Variants in CSMD1 observed in about 807,000 individuals in gnomAD.
The protein encoded by CSMD1 is CUB and Sushi multiple domains 1.
In CSMD1, 213 loss-of-function variants were observed where a neutral mutation model predicts 417.5. The observed-to-expected ratio is 0.51, with a 90% CI of 0.46 to 0.57. The LOEUF is 0.57. CSMD1 is among the 20% of genes least tolerant of loss of function. The pLI is 0.00. For missense variants in CSMD1, 6,923 were observed against 4,529.7 expected (o/e 1.53, Z -15.17); for synonymous variants, 2,862 against 1,736.8 (o/e 1.65, Z -16.11).
At chr8:3,966,010 C>G (rs983750212) in intron 5 of CSMD1, among the ~76,000 whole-genome samples, 3 of 152,190 alleles carry the variant, frequency 2.0e-5, no homozygotes, top group South Asian at 4.2e-4. Flanking sequence ...AGCATAGATT[C>G]AATTTTAGAA....
At chr8:3,577,458 A>G (rs1210738069) in intron 9 of CSMD1, among the ~76,000 whole-genome samples, 1 of 152,144 alleles carries the variant, frequency 6.6e-6, no homozygotes, top group Non-Finnish European at 1.5e-5. Flanking sequence ...TTTAATAAAA[A>G]ATTGTTTATT....
chr8:2,961,341 T>C (rs1803462019), intron 61 of CSMD1, 127 bp from the exon 62 acceptor site: 2 of 447,458 alleles, frequency 4.5e-6, no homozygotes, highest in South Asian at 8.8e-5. Flanking sequence ...CAAGATGTTT[T>C]TCAGGAAAGT....
At chr8:4,984,709 CA>C (rs1811080672) in intron 1 of CSMD1, among the ~76,000 whole-genome samples, 1 of 152,156 alleles carries the variant, frequency 6.6e-6, no homozygotes, top group South Asian at 2.1e-4. Flanking sequence ...GCACAAAGCA[CA>C]ACCACTTCTA....
intron 1 of CSMD1, among the ~76,000 whole-genome samples, chr8:4,909,247 T>C (rs187777611): frequency 2.3e-4 from 35 of 152,300 alleles, no homozygotes; most frequent in South Asian, 1.4e-3. Flanking sequence ...ATAACCTTCC[T>C]ACTAGCTGTG....
At chr8:4,721,785 G>A (rs568410230) in intron 1 of CSMD1, among the ~76,000 whole-genome samples, 1 of 152,180 alleles carries the variant, frequency 6.6e-6, no homozygotes, top group South Asian at 2.1e-4. Context: ...ATTCACAATA[G>A]CCAAGGTATG....
chr8:4,592,118 G>A (rs936188265), intron 2 of CSMD1, among the ~76,000 whole-genome samples: 1 of 151,916 alleles, frequency 6.6e-6, no homozygotes, highest in African/African-American at 2.4e-5. Context: ...CGGCTTTGCT[G>A]GCATAACGGA....
chr8:4,206,835 T>A (rs910042396), intron 3 of CSMD1, among the ~76,000 whole-genome samples: 1 of 152,228 alleles, frequency 6.6e-6, no homozygotes, highest in East Asian at 1.9e-4. Context: ...GTGATTATTT[T>A]GTGGGCTCCT....
At chr8:4,969,242 T>C (rs562196520) in intron 1 of CSMD1, among the ~76,000 whole-genome samples, 24 of 152,304 alleles carry the variant, frequency 1.6e-4, no homozygotes, top group African/African-American at 5.8e-4. Flanking sequence ...TAATGCTTAG[T>C]AAGTTAATGT....
chr8:3,988,662 G>T (rs1814514877), intron 5 of CSMD1, among the ~76,000 whole-genome samples: 1 of 152,168 alleles, frequency 6.6e-6, no homozygotes. Flanking sequence ...AAATTCCACT[G>T]TTATCACATT....
At chr8:3,062,014 T>C (rs745879579) in intron 49 of CSMD1, among the ~76,000 whole-genome samples, 2 of 152,138 alleles carry the variant, frequency 1.3e-5, no homozygotes, top group Non-Finnish European at 2.9e-5. Flanking sequence ...TATTTCACCA[T>C]ATGTATATTT....
At chr8:4,020,513 G>C (rs902405928) in intron 4 of CSMD1, among the ~76,000 whole-genome samples, 4 of 152,146 alleles carry the variant, frequency 2.6e-5, no homozygotes, top group African/African-American at 9.7e-5. Flanking sequence ...CACCTCTACT[G>C]CTTTCTGGAT....
chr8:3,638,380 T>C (rs1563222027), intron 7 of CSMD1, among the ~76,000 whole-genome samples: 1 of 152,010 alleles, frequency 6.6e-6, no homozygotes, highest in Non-Finnish European at 1.5e-5. Flanking sequence ...TAGCCAGGTA[T>C]CAGTTATTGG....
intron 5 of CSMD1, among the ~76,000 whole-genome samples, chr8:3,763,741 A>G (rs973956044): frequency 3.9e-5 from 6 of 152,176 alleles, no homozygotes; most frequent in Non-Finnish European, 7.3e-5. Context: ...CAGAAACTAG[A>G]TAAGTGAGGA....
intron 7 of CSMD1, among the ~76,000 whole-genome samples, chr8:3,666,978 T>C (rs1030047570): frequency 6.6e-6 from 1 of 152,154 alleles, no homozygotes; most frequent in Non-Finnish European, 1.5e-5. Context: ...TTGTAAGAGC[T>C]CGAATTTTAG....
At chr8:4,464,119 A>T (rs942215970) in intron 2 of CSMD1, among the ~76,000 whole-genome samples, 2 of 151,178 alleles carry the variant, frequency 1.3e-5, no homozygotes, top group African/African-American at 2.4e-5. Context: ...TAGAGCTCAG[A>T]ACCTTGAGTC....
chr8:3,389,583 G>A (rs985143007), intron 17 of CSMD1, among the ~76,000 whole-genome samples: 2 of 151,996 alleles, frequency 1.3e-5, no homozygotes, highest in South Asian at 4.2e-4. Context: ...TATGCACTAC[G>A]GCAAAACAGT....
At chr8:3,991,413 T>G (rs1272848101) in intron 5 of CSMD1, among the ~76,000 whole-genome samples, 1 of 152,206 alleles carries the variant, frequency 6.6e-6, no homozygotes, top group Non-Finnish European at 1.5e-5. Context: ...AGTCACATCT[T>G]TATGCGACAG....
chr8:3,845,304 G>T (rs992432939), intron 5 of CSMD1, among the ~76,000 whole-genome samples: 3 of 152,164 alleles, frequency 2.0e-5, no homozygotes. Flanking sequence ...AAACCTAGGT[G>T]GACTAGCCTA....
At chr8:3,345,730 A>T (rs1174261252) in intron 22 of CSMD1, among the ~76,000 whole-genome samples, 2 of 152,202 alleles carry the variant, frequency 1.3e-5, no homozygotes, top group African/African-American at 4.8e-5. Flanking sequence ...TTAATGCCAT[A>T]TACTCAAGGG....
Sources: gnomAD v4.1 joint callset for allele counts (sites outside exome capture counted in the v4.1 genomes callset) on GRCh38, gnomAD v4.1.1 for gene constraint, MANE v1.5 for transcripts, NCBI Gene and HGNC (gene_info 2026-07-23, HGNC 2026-07-21) for gene names.